Variants in OPCML observed in about 807,000 individuals in gnomAD.
OPCML encodes opioid-binding protein/cell adhesion molecule.
Under a neutral mutation model 37.8 loss-of-function variants are expected in OPCML, and 13 were observed. The observed-to-expected ratio is 0.34, with a 90% CI of 0.22 to 0.55. The LOEUF (loss-of-function observed/expected upper bound fraction) is 0.55, where lower values mean the gene tolerates loss of function less well. Among genes scored for constraint, OPCML ranks in the 20% least tolerant of loss-of-function variants. The pLI is 0.91. For synonymous variants in OPCML, 176 were observed against 168.8 expected (o/e 1.04, Z -0.33); for missense variants, 341 against 435.6 (o/e 0.78, Z 1.93).
chr11:132,694,608 A>G (rs1457788240), intron 2 of OPCML, among the ~76,000 whole-genome samples: 2 of 152,202 alleles, frequency 1.3e-5, no homozygotes, highest in African/African-American at 4.8e-5. Context: ...ACATGCTGCC[A>G]GTTGCTTCCT....
At chr11:132,829,840 T>A (rs553251334) in intron 2 of OPCML, among the ~76,000 whole-genome samples, 1 of 152,248 alleles carries the variant, frequency 6.6e-6, no homozygotes, top group Non-Finnish European at 1.5e-5. Context: ...TTCTCATAAA[T>A]GGTTTGGATC....
At chr11:133,025,521 G>A (rs1001702656) in intron 1 of OPCML, 34 of 961,348 alleles carry the variant, frequency 3.5e-5, no homozygotes, top group East Asian at 2.3e-4. Flanking sequence ...TGGATTCTTC[G>A]GTTGAAAGCA....
chr11:132,813,683 T>C (rs187781342), intron 2 of OPCML, among the ~76,000 whole-genome samples: 4 of 152,296 alleles, frequency 2.6e-5, no homozygotes, highest in Admixed American at 2.6e-4. Context: ...CTTTATCCAC[T>C]GTTTTTTGTC....
chr11:132,427,007 A>G (rs1176248878), intron 7 of OPCML, among the ~76,000 whole-genome samples: 1 of 152,200 alleles, frequency 6.6e-6, no homozygotes, highest in Non-Finnish European at 1.5e-5. Context: ...AGTGTATATA[A>G]CAAGCCATGA....
At chr11:132,478,021 A>G (rs1366828568) in intron 4 of OPCML, among the ~76,000 whole-genome samples, 1 of 152,214 alleles carries the variant, frequency 6.6e-6, no homozygotes, top group Non-Finnish European at 1.5e-5. Context: ...AAGTAAAATA[A>G]TGGAAGGTAT....
chr11:132,450,517 A>G (rs1183693092), intron 4 of OPCML, among the ~76,000 whole-genome samples: 1 of 151,466 alleles, frequency 6.6e-6, no homozygotes, highest in Non-Finnish European at 1.5e-5. Flanking sequence ...AAAATGAGTC[A>G]TGATGGAGAG....
At chr11:133,119,074 C>A (rs1949381521) in intron 1 of OPCML, among the ~76,000 whole-genome samples, 1 of 152,122 alleles carries the variant, frequency 6.6e-6, no homozygotes, top group African/African-American at 2.4e-5. Context: ...GCACATCATG[C>A]CAGCGCTTGG....
At chr11:132,506,155 G>A (rs1352018468) in intron 4 of OPCML, among the ~76,000 whole-genome samples, 1 of 152,076 alleles carries the variant, frequency 6.6e-6, no homozygotes, top group Non-Finnish European at 1.5e-5. Context: ...TGTGACCTTT[G>A]GATTTTATGC....
At chr11:133,219,646 C>T (rs957321732) in intron 1 of OPCML, among the ~76,000 whole-genome samples, 5 of 152,164 alleles carry the variant, frequency 3.3e-5, no homozygotes, top group East Asian at 1.9e-4. Context: ...AGCCTCCAGG[C>T]GCTGCTGCTG....
intron 1 of OPCML, among the ~76,000 whole-genome samples, chr11:133,037,239 GATGAGGACTTATATCATTC>G (rs1354893002): frequency 6.6e-6 from 1 of 152,200 alleles, no homozygotes; most frequent in East Asian, 1.9e-4. Flanking sequence ...CCACTGTGAG[GATGAGGACTTATATCATTC>G]TGGGAAGTAA....
intron 2 of OPCML, among the ~76,000 whole-genome samples, chr11:132,700,722 T>C (rs998479819): frequency 3.3e-5 from 5 of 152,316 alleles, no homozygotes; most frequent in African/African-American, 1.2e-4. Context: ...TCGTGGGGAA[T>C]ATTCCATGTG....
intron 2 of OPCML, among the ~76,000 whole-genome samples, chr11:132,676,665 A>G (rs1217568392): frequency 6.6e-6 from 1 of 151,882 alleles, no homozygotes; most frequent in Non-Finnish European, 1.5e-5. Flanking sequence ...TAAATGGCCA[A>G]TAAGCACATG....
At chr11:133,120,757 T>C (rs7130241) in intron 1 of OPCML, among the ~76,000 whole-genome samples, 75,319 of 152,000 alleles carry the variant, frequency 0.5, 18,887 homozygotes, top group East Asian at 0.6. Flanking sequence ...GTTCATGCTT[T>C]GGCCAGTCTA....
chr11:132,753,602 A>G (rs1945917812), intron 2 of OPCML, among the ~76,000 whole-genome samples: 1 of 110,268 alleles, frequency 9.1e-6, no homozygotes, highest in African/African-American at 4.9e-5. Flanking sequence ...CAGACAGATA[A>G]TAGACAGACT....
At chr11:133,353,466 C>A (rs1466543387) in intron 1 of OPCML, among the ~76,000 whole-genome samples, 1 of 152,090 alleles carries the variant, frequency 6.6e-6, no homozygotes, top group Non-Finnish European at 1.5e-5. Context: ...AGCCTGTAAG[C>A]CCCTGTTTTG....
intron 1 of OPCML, among the ~76,000 whole-genome samples, chr11:133,137,981 G>A (rs1412043724): frequency 6.6e-6 from 1 of 152,184 alleles, no homozygotes; most frequent in Non-Finnish European, 1.5e-5. Context: ...GTTTGAATGT[G>A]CTTTACCCCC....
intron 1 of OPCML, among the ~76,000 whole-genome samples, chr11:133,031,411 A>G: frequency 6.7e-6 from 1 of 148,186 alleles, no homozygotes; most frequent in East Asian, 2.0e-4. Context: ...GGGTAGGTGA[A>G]TGGATGGATG....
Position 133,348,630 on chromosome 11 carries a change from T to C in OPCML, c.61+183634A>G, listed in dbSNP as rs567201068. Among the ~76,000 whole-genome samples, 4 of 152,308 alleles carry C rather than the reference T, an allele frequency of 2.6e-5. No homozygotes were observed. In the East Asian group the frequency reaches 7.7e-4, roughly 29 times the overall value. The stretch of plus-strand genomic sequence containing the variant: ...CACAAAGCTCTGAGACTTCGTGGCT[T>C]GCTGCAGCATTTAACAGGAATAACA... On this transcript the variant is annotated intron_variant, in intron 1 of 7. Transcript: ENST00000524381.
chr11:133,226,325 C>T (rs1592121927), intron 1 of OPCML, among the ~76,000 whole-genome samples: 1 of 152,220 alleles, frequency 6.6e-6, no homozygotes, highest in Non-Finnish European at 1.5e-5. Context: ...TCTAAAAATG[C>T]CGTGATTCGT....
Sources: allele counts gnomAD v4.1 joint callset (sites outside exome capture counted in the v4.1 genomes callset), GRCh38; gene constraint gnomAD v4.1.1; transcripts MANE v1.5; gene names NCBI Gene and HGNC (gene_info 2026-07-23, HGNC 2026-07-21).